Variants in KCNJ3 observed in about 807,000 individuals in gnomAD.
KCNJ3 encodes G protein-activated inward rectifier potassium channel 1.
Under a neutral mutation model 39.2 loss-of-function variants are expected in KCNJ3, and 4 were observed. The observed-to-expected ratio is 0.10, with a 90% CI of 0.05 to 0.23. KCNJ3 has a LOEUF of 0.23. KCNJ3 is among the 10% of genes least tolerant of loss of function. KCNJ3 has a pLI of 1.00. For synonymous variants in KCNJ3, 230 were observed against 237.4 expected (o/e 0.97, Z 0.29); for missense variants, 276 against 634.9 (o/e 0.43, Z 6.08).
chr2:154,775,611 A>G (rs1686319693), intron 2 of KCNJ3, among the ~76,000 whole-genome samples: 1 of 152,230 alleles, frequency 6.6e-6, no homozygotes, highest in Non-Finnish European at 1.5e-5. Flanking sequence ...ATCAAATAAT[A>G]CCATTTACTT....
intron 2 of KCNJ3, among the ~76,000 whole-genome samples, chr2:154,741,217 C>G (rs1260247816): frequency 2.0e-5 from 3 of 151,838 alleles, no homozygotes; most frequent in African/African-American, 7.3e-5. Context: ...GATTAAGTAA[C>G]TTATTCAAAG....
intron 2 of KCNJ3, among the ~76,000 whole-genome samples, chr2:154,790,173 A>G (rs892963408): frequency 6.6e-6 from 1 of 151,414 alleles, no homozygotes; most frequent in Admixed American, 6.6e-5. Context: ...CACAGTGTTC[A>G]AGACAGATTG....
chr2:154,717,028 C>T (rs1004835245), intron 2 of KCNJ3, among the ~76,000 whole-genome samples: 5 of 152,186 alleles, frequency 3.3e-5, no homozygotes, highest in Admixed American at 2.6e-4. Flanking sequence ...AGTTAGGCTA[C>T]AGCAGGGACC....
At chr2:154,838,148 A>G (rs1558887289) in intron 2 of KCNJ3, among the ~76,000 whole-genome samples, 1 of 152,182 alleles carries the variant, frequency 6.6e-6, no homozygotes, top group Non-Finnish European at 1.5e-5. Context: ...AGATGGAGAA[A>G]TCAGGAATGA....
At chr2:154,767,775 A>G (rs1686161238) in intron 2 of KCNJ3, among the ~76,000 whole-genome samples, 1 of 152,182 alleles carries the variant, frequency 6.6e-6, no homozygotes. Flanking sequence ...GTCTTCCACA[A>G]TGGTTGAACT....
At chr2:154,851,086 T>A (rs1687749289) in intron 2 of KCNJ3, among the ~76,000 whole-genome samples, 1 of 151,780 alleles carries the variant, frequency 6.6e-6, no homozygotes, top group Non-Finnish European at 1.5e-5. Flanking sequence ...CTACAAAAAA[T>A]TGAAAATTAG....
intron 2 of KCNJ3, among the ~76,000 whole-genome samples, chr2:154,853,847 T>TTGA (rs1687796806): frequency 6.6e-6 from 1 of 152,128 alleles, no homozygotes; most frequent in East Asian, 1.9e-4. Flanking sequence ...AGGAACATAA[T>TTGA]TGATAAACTG....
At chr2:154,768,560 A>G (rs1686176873) in intron 2 of KCNJ3, among the ~76,000 whole-genome samples, 1 of 152,156 alleles carries the variant, frequency 6.6e-6, no homozygotes, top group African/African-American at 2.4e-5. Context: ...CTGTTTTGGT[A>G]CCAGTACCAT....
intron 2 of KCNJ3, among the ~76,000 whole-genome samples, chr2:154,735,409 C>T (rs770267444): frequency 3.0e-4 from 46 of 152,068 alleles, no homozygotes; most frequent in Middle Eastern, 3.2e-3. Context: ...CCACGGAGCC[C>T]GGCCATAGGC....
At chr2:154,776,071 G>T (rs927363029) in intron 2 of KCNJ3, among the ~76,000 whole-genome samples, 2 of 150,246 alleles carry the variant, frequency 1.3e-5, no homozygotes, top group Admixed American at 6.7e-5. Context: ...GTGCAATCTC[G>T]GCTCACTGCA....
At chr2:154,738,098 A>G (rs143031618) in intron 2 of KCNJ3, among the ~76,000 whole-genome samples, 1 of 152,302 alleles carries the variant, frequency 6.6e-6, no homozygotes, top group Non-Finnish European at 1.5e-5. Flanking sequence ...GCTGAAACAT[A>G]GAATGAGATC....
At chr2:154,847,626 G>A (rs902107720) in intron 2 of KCNJ3, among the ~76,000 whole-genome samples, 1 of 151,988 alleles carries the variant, frequency 6.6e-6, no homozygotes, top group Admixed American at 6.6e-5. Flanking sequence ...AATGAAAGTT[G>A]TAGTCATATA....
chr2:154,716,235 G>T (rs940445015), intron 2 of KCNJ3, among the ~76,000 whole-genome samples: 4 of 150,782 alleles, frequency 2.7e-5, no homozygotes, highest in Non-Finnish European at 5.9e-5. Flanking sequence ...TCAGCCTGCC[G>T]AGCAGCTGGG....
At chr2:154,785,576 AG>A (rs1686515847) in intron 2 of KCNJ3, among the ~76,000 whole-genome samples, 1 of 152,054 alleles carries the variant, frequency 6.6e-6, no homozygotes, top group Non-Finnish European at 1.5e-5. Context: ...TCCTGGTAAA[AG>A]GTTCATCGGC....
chr2:154,742,633 A>T (rs1224238941), intron 2 of KCNJ3, among the ~76,000 whole-genome samples: 1 of 151,774 alleles, frequency 6.6e-6, no homozygotes, highest in African/African-American at 2.4e-5. Context: ...ACTGATACTG[A>T]GCATCGTTTC....
chr2:154,808,199 A>T (rs557243208), intron 2 of KCNJ3, among the ~76,000 whole-genome samples: 10 of 151,494 alleles, frequency 6.6e-5, no homozygotes, highest in Non-Finnish European at 1.0e-4. Flanking sequence ...TCCCTGCCTC[A>T]GCCTCCTAAG....
At chr2:154,739,145 G>C (rs1685599280) in intron 2 of KCNJ3, among the ~76,000 whole-genome samples, 1 of 151,964 alleles carries the variant, frequency 6.6e-6, no homozygotes, top group South Asian at 2.1e-4. Flanking sequence ...ATACTTTTTA[G>C]TATAAGGGAG....
At chr2:154,787,701 G>A (rs1686557329) in intron 2 of KCNJ3, among the ~76,000 whole-genome samples, 1 of 151,796 alleles carries the variant, frequency 6.6e-6, no homozygotes, top group Non-Finnish European at 1.5e-5. Flanking sequence ...TCTTCAAGCT[G>A]GACTGCCCAG....
intron 2 of KCNJ3, among the ~76,000 whole-genome samples, chr2:154,718,958 A>T (rs114251092): frequency 6.6e-6 from 1 of 152,084 alleles, no homozygotes; most frequent in Non-Finnish European, 1.5e-5. Context: ...GCACAGGAAA[A>T]TTGTAATTGG....
Sources: gnomAD v4.1 joint callset for allele counts (sites outside exome capture counted in the v4.1 genomes callset) on GRCh38, gnomAD v4.1.1 for gene constraint, MANE v1.5 for transcripts, NCBI Gene and HGNC (gene_info 2026-07-23, HGNC 2026-07-21) for gene names.